CNTLN: variants seen among roughly 807,000 people sequenced by gnomAD.
The protein encoded by CNTLN is centlein, centrosomal protein.
A neutral mutation model predicts 180.0 loss-of-function variants in CNTLN; 212 were observed. The observed-to-expected ratio is 1.18, with a 90% CI of 1.05 to 1.32. The LOEUF is 1.32. Ranked by LOEUF, CNTLN falls within the 40% of genes most tolerant of loss-of-function variation. The pLI is 0.00. For missense variants in CNTLN, 2,095 were observed against 1,610.9 expected, an observed-to-expected ratio of 1.30 and a Z score of -5.14; for synonymous variants, 722 against 563.1, an observed-to-expected ratio of 1.28 and a Z score of -3.99.
intron 19 of CNTLN, among the ~76,000 whole-genome samples, chr9:17,457,996 A>AT (rs1831235831): frequency 6.6e-6 from 1 of 151,924 alleles, no homozygotes; most frequent in Non-Finnish European, 1.5e-5. Context: ...TTCTGCCCCC[A>AT]TGCCTCCCTC....
At chr9:17,397,421 T>G (rs1043011451) in intron 15 of CNTLN, among the ~76,000 whole-genome samples, 5 of 152,214 alleles carry the variant, frequency 3.3e-5, no homozygotes, top group African/African-American at 1.2e-4. Context: ...CTCCCCTTTT[T>G]AGACCATATA....
rs1442769661 is a variant in CNTLN, at chr9:17,394,755, G to T, written c.2301G>T (p.Leu767=). The T allele has an allele frequency of 5.0e-6, 8 of 1,613,850 alleles. No individual in the cohort carries two copies. Among genetic ancestry groups the T allele is most frequent in the Non-Finnish European group, 6.8e-6 (8 of 1,179,964 alleles). ...NTELQVKISE[L]ETEVTSLRRQ... is the part of the protein sequence containing the mutation. ...AACTTCAAGTAAAAATCAGTGAGCT[G>T]GAGACAGAAGTCACTTCCCTGAGGA... Residue 767 remains leucine (L), a synonymous_variant, in exon 15 of 26, where the codon CTG becomes CTT. Coordinates refer to ENST00000380647, the MANE Select transcript of CNTLN (RefSeq NM_017738.4).
chr9:17,273,743 A>T lies in CNTLN; in HGVS notation c.860A>T (p.Asp287Val), dbSNP rs371187031. Residue 287 changes from aspartate (D) to valine (V), a missense_variant, in exon 6 of 26, where the codon GAC (aspartate) becomes GTC (valine). Physicochemically the swap from Asp to Val is radical, Grantham distance 152. Coordinates refer to ENST00000380647, the MANE Select transcript of CNTLN (RefSeq NM_017738.4). ...STDAKIKTFE[D>V]NLIEARKEVE... ...GCACTCTAATTTTAGACCTTTGAAG[A>T]CAATTTAATTGAAGCAAGGAAAGAA... 9.2e-6 allele frequency: 14 copies of T among 1,519,558 alleles called. No homozygotes were observed. The highest frequency in any genetic ancestry group is 1.4e-5 in the African/African-American group (1 of 70,192). 94.1% of individuals were successfully genotyped at this position (1,519,558 alleles called of 1,614,324 possible).
At chr9:17,168,919 C>T (rs552339807) in intron 2 of CNTLN, among the ~76,000 whole-genome samples, 14 of 152,278 alleles carry the variant, frequency 9.2e-5, no homozygotes, top group African/African-American at 3.4e-4. Flanking sequence ...CAACAAATTA[C>T]AGGGGCAGGA....
chr9:17,161,195 A>G (rs2131586981), intron 2 of CNTLN, among the ~76,000 whole-genome samples: 1 of 152,178 alleles, frequency 6.6e-6, no homozygotes, highest in East Asian at 1.9e-4. Context: ...AAATATTTTT[A>G]TAGTATGATT....
At chr9:17,437,739 C>T (rs1320341297) in intron 18 of CNTLN, among the ~76,000 whole-genome samples, 2 of 152,044 alleles carry the variant, frequency 1.3e-5, no homozygotes, top group African/African-American at 4.8e-5. Flanking sequence ...AAATATGAAC[C>T]TTGTCCCCGA....
At chr9:17,190,470 A>T (rs529599647) in intron 2 of CNTLN, among the ~76,000 whole-genome samples, 1 of 152,228 alleles carries the variant, frequency 6.6e-6, no homozygotes. Context: ...TTGTAAGTTT[A>T]TAATTTTAAC....
intron 8 of CNTLN, among the ~76,000 whole-genome samples, chr9:17,323,560 C>T (rs1820064527): frequency 6.6e-6 from 1 of 152,206 alleles, no homozygotes; most frequent in African/African-American, 2.4e-5. Flanking sequence ...TCTGTAATTA[C>T]AGCGCGGCTT....
chr9:17,245,315 A>G (rs1825734974), intron 5 of CNTLN, among the ~76,000 whole-genome samples: 1 of 150,602 alleles, frequency 6.6e-6, no homozygotes, highest in Non-Finnish European at 1.5e-5. Flanking sequence ...ATACTATTCT[A>G]TGTTAAAAGT....
chr9:17,463,477 C>T (rs1307525878), intron 20 of CNTLN, among the ~76,000 whole-genome samples: 2 of 151,506 alleles, frequency 1.3e-5, no homozygotes, highest in African/African-American at 4.8e-5. Flanking sequence ...TGCTCTATCC[C>T]ACTGAATCAA....
chr9:17,463,581 G>A (rs1831576872), intron 20 of CNTLN, among the ~76,000 whole-genome samples: 1 of 151,590 alleles, frequency 6.6e-6, no homozygotes, highest in African/African-American at 2.4e-5. Flanking sequence ...ATACATTTGA[G>A]ATATATGTAT....
Position 17,266,081 on chromosome 9 carries a change from C to G in CNTLN, c.850-7652C>G, listed in dbSNP as rs181606646. Among the ~76,000 whole-genome samples, 768 of 152,024 alleles carry G rather than the reference C, an allele frequency of 5.1e-3. 5 individuals are homozygous for G. Among genetic ancestry groups the G allele is most frequent in the Admixed American group, 7.9e-3 (121 of 15,262 alleles). On this transcript the variant is annotated intron_variant, in intron 5 of 25. Coordinates refer to ENST00000380647, the MANE Select transcript of CNTLN (RefSeq NM_017738.4). ...TTAGTTATTTCTTGCCTTCTGCTAG[C>G]TTTTGAATGTGTTTGCTCTTGCTTC...
chr9:17,191,701 A>T (rs944491952), intron 2 of CNTLN, among the ~76,000 whole-genome samples: 4 of 152,354 alleles, frequency 2.6e-5, no homozygotes, highest in Non-Finnish European at 5.9e-5. Context: ...ATTATTGAAT[A>T]AGTTGGTTTT....
At chr9:17,173,948 C>T (rs757674153) in intron 2 of CNTLN, among the ~76,000 whole-genome samples, 8 of 152,064 alleles carry the variant, frequency 5.3e-5, no homozygotes, top group Non-Finnish European at 7.4e-5. Flanking sequence ...ATTCTGTCAC[C>T]ATAAGGACCC....
chr9:17,165,153 C>T (rs1013523040), intron 2 of CNTLN, among the ~76,000 whole-genome samples: 1 of 152,042 alleles, frequency 6.6e-6, no homozygotes, highest in African/African-American at 2.4e-5. Context: ...GAACATTTTC[C>T]TAAGTGACTT....
chr9:17,152,815 A>G (rs1385244232), intron 2 of CNTLN, among the ~76,000 whole-genome samples: 1 of 152,196 alleles, frequency 6.6e-6, no homozygotes, highest in Non-Finnish European at 1.5e-5. Context: ...GTAGGTGTCT[A>G]AGAACTTGTT....
chr9:17,269,778 C>T (rs1827800456), intron 5 of CNTLN, among the ~76,000 whole-genome samples: 1 of 151,938 alleles, frequency 6.6e-6, no homozygotes, highest in Admixed American at 6.6e-5. Context: ...TCCATTTGTT[C>T]TGTAGTGTTG....
intron 12 of CNTLN, among the ~76,000 whole-genome samples, chr9:17,360,981 T>C (rs1480273140): frequency 6.6e-6 from 1 of 152,208 alleles, no homozygotes; most frequent in African/African-American, 2.4e-5. Flanking sequence ...TCCTTACTTA[T>C]TTCTGTCCAC....
At chr9:17,482,418 C>CT (rs1359543552) in intron 23 of CNTLN, among the ~76,000 whole-genome samples, 1 of 151,906 alleles carries the variant, frequency 6.6e-6, no homozygotes, top group Non-Finnish European at 1.5e-5. Context: ...AAAGAGAAAA[C>CT]TTTAAAACAA....
Sources: gnomAD v4.1 joint callset for allele counts (sites outside exome capture counted in the v4.1 genomes callset) on GRCh38, gnomAD v4.1.1 for gene constraint, MANE v1.5 for transcripts, NCBI Gene and HGNC (gene_info 2026-07-23, HGNC 2026-07-21) for gene names.